Variants in SLC7A14 observed in about 807,000 individuals in gnomAD.
The protein encoded by SLC7A14 is solute carrier family 7 member 14.
Under a neutral mutation model 60.2 loss-of-function variants are expected in SLC7A14, and 37 were observed. That is an observed-to-expected ratio of 0.61 (90% CI 0.47 to 0.81). SLC7A14 has a LOEUF of 0.81. Among genes scored for constraint, SLC7A14 ranks in the 30% least tolerant of loss-of-function variants. The pLI, the probability that SLC7A14 is intolerant of heterozygous loss-of-function variation, is 0.00. For missense variants in SLC7A14, 886 were observed against 982.7 expected, an observed-to-expected ratio of 0.90 and a Z score of 1.32; for synonymous variants, 399 against 395.8, an observed-to-expected ratio of 1.01 and a Z score of -0.10.
intron 3 of SLC7A14, among the ~76,000 whole-genome samples, chr3:170,499,748 C>T (rs567663194): frequency 6.6e-6 from 1 of 152,166 alleles, no homozygotes; most frequent in Non-Finnish European, 1.5e-5. Context: ...GGCCAGTGGA[C>T]TCCTGCCCTC....
intron 2 of SLC7A14, among the ~76,000 whole-genome samples, chr3:170,525,186 A>G (rs1381924728): frequency 6.6e-6 from 1 of 152,196 alleles, no homozygotes; most frequent in African/African-American, 2.4e-5. Context: ...AAACCCAGAA[A>G]AGCCTCATGC....
intron 2 of SLC7A14, among the ~76,000 whole-genome samples, chr3:170,510,402 A>AT (rs1316994108): frequency 3.3e-5 from 4 of 121,186 alleles, no homozygotes; most frequent in Non-Finnish European, 6.8e-5. Flanking sequence ...AAAAAAAAAT[A>AT]AATAAATAAA....
intron 2 of SLC7A14, among the ~76,000 whole-genome samples, chr3:170,516,390 C>T (rs1713159871): frequency 1.3e-5 from 2 of 151,882 alleles, no homozygotes; most frequent in South Asian, 2.1e-4. Flanking sequence ...TAAACGTGAG[C>T]GTTCCTTGAT....
At chr3:170,509,573 G>T (rs1414805133) in intron 2 of SLC7A14, among the ~76,000 whole-genome samples, 2 of 152,198 alleles carry the variant, frequency 1.3e-5, no homozygotes, top group Admixed American at 6.5e-5. Flanking sequence ...ACTTTGGGAG[G>T]CCGAGGCAGG....
intron 4 of SLC7A14, 52 bp from the exon 5 acceptor site, chr3:170,486,420 G>T: frequency 6.2e-7 from 1 of 1,612,572 alleles, no homozygotes; most frequent in Non-Finnish European, 8.5e-7. Flanking sequence ...TGGCACCTGG[G>T]TCTTAAATGT....
At chr3:170,469,258 T>G (rs1038752038) in intron 7 of SLC7A14, among the ~76,000 whole-genome samples, 3 of 152,138 alleles carry the variant, frequency 2.0e-5, no homozygotes, top group African/African-American at 7.2e-5. Flanking sequence ...TCTTGCTCTC[T>G]TTTGAATTTG....
Position 170,483,537 on chromosome 3 carries a change from G to A in SLC7A14, c.907-15C>T. ...ATCACGCTCACCTGTTAAAACAAGA[G>A]AAGACAGGGCTGGAGGTACAGGGGA... On this transcript the variant is annotated splice_polypyrimidine_tract_variant and intron_variant, in intron 5 of 7. Coordinates refer to ENST00000231706, the MANE Select transcript of SLC7A14 (RefSeq NM_020949.3). 6.2e-7 allele frequency: 1 copy of A among 1,613,932 alleles called. No homozygotes were observed. Among genetic ancestry groups the A allele is most frequent in the Non-Finnish European group, 8.5e-7 (1 of 1,179,812 alleles).
At chr3:170,467,483 GGGCGGT>G in intron 7 of SLC7A14, 106 bp from the exon 8 acceptor site, 1 of 656,354 alleles carries the variant, frequency 1.5e-6, no homozygotes, top group Non-Finnish European at 2.3e-6. Context: ...GCGGGGTGGG[GGGCGGT>G]GGGGGCGGGG....
chr3:170,501,117 T>C lies in SLC7A14; in HGVS notation c.533A>G (p.Asn178Ser), dbSNP rs757921636. 7 of 1,614,086 alleles carry C rather than the reference T, an allele frequency of 4.3e-6. No homozygotes were observed. The highest frequency in any genetic ancestry group is 1.3e-5 in the African/African-American group (1 of 74,944). ...RWMADSVGTL[N>S]GLGKGEESYP... Reference sequence around the variant, plus strand: ...GGATGTGGCAGTCTCACCCAGGCCATTGAGGGTTCCCACGCTGTCCGCCAT... The same window carrying C: ...GGATGTGGCAGTCTCACCCAGGCCACTGAGGGTTCCCACGCTGTCCGCCAT... Residue 178 changes from asparagine to serine, a missense_variant, in exon 3 of 8, where the codon AAT (asparagine) becomes AGT (serine). Asn to Ser is a conservative substitution (Grantham distance 46, BLOSUM62 1). Transcript: ENST00000231706.
intron 4 of SLC7A14, chr3:170,496,217 G>C (rs1712387705): frequency 1.1e-6 from 1 of 923,894 alleles, no homozygotes; most frequent in Non-Finnish European, 1.8e-6. Context: ...TCATCGCTGA[G>C]GTCAAGGCAC....
At position 170,486,265 on chromosome 3, in the gene SLC7A14, G is replaced by A. The variant is rs1191953925; in HGVS notation, c.863C>T (p.Ala288Val). The A allele has an allele frequency of 6.2e-7, 1 of 1,614,232 alleles. No homozygotes were observed. Among genetic ancestry groups the A allele is most frequent in the Admixed American group, 1.7e-5 (1 of 60,022 alleles). ...GCAGATGACCAGGGAGGCAGTGATA[G>A]CATAAGGGATGGACGTGTTGGGATT... The part of the protein sequence containing the change: ...AKNPNTSIPY[A>V]ITASLVICLT... The change falls in exon 5 of 8, where the codon GCT (alanine) becomes GTT (valine). Residue 288 changes from alanine to valine, a missense_variant. Physicochemically the swap from Ala to Val is moderately conservative, Grantham distance 64. Transcript: ENST00000231706.
intron 1 of SLC7A14, among the ~76,000 whole-genome samples, chr3:170,577,422 T>G (rs1715122452): frequency 1.3e-5 from 2 of 151,146 alleles, no homozygotes; most frequent in South Asian, 2.1e-4. Flanking sequence ...ATCGAGACCA[T>G]CCTGGCTAAC....
rs1363913360 is a variant in SLC7A14 at position 170,478,695 on chromosome 3, T to C, written c.1993+1594A>G. On this transcript the variant is annotated intron_variant, in intron 7 of 7. Coordinates refer to ENST00000231706, the MANE Select transcript of SLC7A14 (RefSeq NM_020949.3). ...ACTGGAAGTTTTCCTTTTTCCCCTT[T>C]GAAGAGTACTTTATAATAATTTAAG... is the stretch of plus-strand genomic sequence containing the variant. Among the ~76,000 whole-genome samples the C allele has an allele frequency of 4.6e-5, 7 of 152,320 alleles. No individual in the cohort carries two copies. In the East Asian group the frequency reaches 1.3e-3, roughly 29 times the overall value.
chr3:170,571,642 G>A (rs762672359), intron 1 of SLC7A14, among the ~76,000 whole-genome samples: 6 of 152,144 alleles, frequency 3.9e-5, no homozygotes, highest in Non-Finnish European at 5.9e-5. Context: ...CTTTATTAAT[G>A]CTTCCTAGTC....
intron 2 of SLC7A14, among the ~76,000 whole-genome samples, chr3:170,515,314 C>T (rs995300222): frequency 4.1e-5 from 4 of 98,246 alleles, no homozygotes; most frequent in Non-Finnish European, 8.3e-5. Flanking sequence ...CTCTGTCCGC[C>T]CCCCCCAAAA....
rs1715377564 is a variant in SLC7A14, at chr3:170,586,010, G to A, written c.-252C>T. ...GTCTCTCTAGCTGGGATGGGAAGTG[G>A]TGGTGGCGGCAAAGGAAGGCAGGAG... On this transcript the variant is annotated 5_prime_UTR_variant, in exon 1 of 8. Coordinates refer to ENST00000231706, the MANE Select transcript of SLC7A14 (RefSeq NM_020949.3). 1 of 153,246 alleles carries A rather than the reference G, an allele frequency of 6.5e-6. No individual in the cohort carries two copies. The highest frequency in any genetic ancestry group is 1.5e-5 in the Non-Finnish European group (1 of 68,902). 9.5% of individuals were successfully genotyped at this position (153,246 alleles called of 1,614,324 possible). A position where few individuals can be genotyped will look rare whatever the true frequency, so the allele number is the denominator to read the frequency against.
intron 4 of SLC7A14, among the ~76,000 whole-genome samples, chr3:170,486,791 G>A (rs1341329423): frequency 6.7e-6 from 1 of 150,160 alleles, no homozygotes; most frequent in Non-Finnish European, 1.5e-5. Context: ...AGAATTGCTT[G>A]AACCCAGGAG....
rs565975711 is a variant in SLC7A14, at chr3:170,460,067, T to A, written c.*6988A>T. 7.2e-5 allele frequency: 11 copies of A among 152,328 alleles called. No individual in the cohort carries two copies. Among genetic ancestry groups the A allele is most frequent in the African/African-American group, 2.6e-4 (11 of 41,578 alleles). 9.4% of individuals were successfully genotyped at this position (152,328 alleles called of 1,614,324 possible). ...TATTATTTCTTTCTTCATGATACAC[T>A]ACATTGTACAGCACACCAATGGGAA... On this transcript the variant is annotated 3_prime_UTR_variant, in exon 8 of 8. Coordinates refer to ENST00000231706, the MANE Select transcript of SLC7A14 (RefSeq NM_020949.3).
chr3:170,567,105 C>A (rs556214942), intron 1 of SLC7A14, among the ~76,000 whole-genome samples: 2 of 148,426 alleles, frequency 1.3e-5, no homozygotes, highest in Non-Finnish European at 3.0e-5. Flanking sequence ...TGTGCTGCAC[C>A]CATTAACTCA....
Sources: allele counts gnomAD v4.1 joint callset (sites outside exome capture counted in the v4.1 genomes callset), GRCh38; gene constraint gnomAD v4.1.1; transcripts MANE v1.5; gene names NCBI Gene and HGNC (gene_info 2026-07-23, HGNC 2026-07-21).